The following OTC variants were observed in gnomAD, a reference collection of about 807,000 sequenced individuals.
OTC encodes ornithine transcarbamylase, mitochondrial.
Under a neutral mutation model 30.3 loss-of-function variants are expected in OTC, and 3 were observed. The observed-to-expected ratio is 0.10, with a 90% confidence interval of 0.05 to 0.26. The LOEUF (loss-of-function observed/expected upper bound fraction) is 0.26, where lower values mean the gene tolerates loss of function less well. Among genes scored for constraint, OTC ranks in the 10% least tolerant of loss-of-function variants. The pLI, the probability that OTC is intolerant of heterozygous loss-of-function variation, is 1.00. For missense variants in OTC, 194 were observed against 260.3 expected, an observed-to-expected ratio of 0.75 and a Z score of 1.75; for synonymous variants, 111 against 99.7, an observed-to-expected ratio of 1.11 and a Z score of -0.67.
chrX:38,395,145 G>A (rs1239634066), intron 4 of OTC, among the ~76,000 whole-genome samples: 1 of 110,253 alleles, frequency 9.1e-6, no homozygotes, highest in Non-Finnish European at 1.9e-5. Flanking sequence ...GCTAATTTTT[G>A]TATTTTTAGT....
chrX:38,391,372 T>C (rs2068428213), intron 4 of OTC, among the ~76,000 whole-genome samples: 1 of 111,244 alleles, frequency 9.0e-6, no homozygotes, highest in African/African-American at 3.3e-5. Flanking sequence ...TGTGCACATG[T>C]ACCCTAAAAC....
intron 4 of OTC, among the ~76,000 whole-genome samples, chrX:38,396,679 C>T (rs921126601): frequency 9.1e-6 from 1 of 110,249 alleles, no homozygotes; most frequent in Non-Finnish European, 1.9e-5. Flanking sequence ...AGACTGAGGC[C>T]GGATAATTGC....
chrX:38,344,501 A>G, the OTC span, among the ~76,000 whole-genome samples: 4 of 111,301 alleles, frequency 3.6e-5, no homozygotes, highest in East Asian at 2.8e-4. Context: ...TGGGACATAG[A>G]GGACTCTTAA....
chrX:38,399,231 T>C lies in OTC; in HGVS notation c.387-2044T>C, dbSNP rs1349882195. On this transcript the variant is annotated intron_variant, in intron 4 of 9. Transcript: ENST00000039007. ...AAAATGCAGATTCTGCTTCAGTAAA[T>C]CTGGGTGGGGCCTGAAATTCTGAAG... Among the ~76,000 whole-genome samples, 3 of 111,313 alleles carry C rather than the reference T, an allele frequency of 2.7e-5. No individual in the cohort carries two copies. In the East Asian group the frequency reaches 8.4e-4, roughly 31 times the overall value.
intron 1 of OTC, among the ~76,000 whole-genome samples, chrX:38,355,826 CA>C (rs2068237772): frequency 8.9e-6 from 1 of 111,742 alleles, no homozygotes; most frequent in African/African-American, 3.3e-5. Flanking sequence ...CACCTGAGGT[CA>C]GGAGTTCCAG....
chrX:38,405,000 G>A (rs2068509235), intron 6 of OTC, among the ~76,000 whole-genome samples: 1 of 111,540 alleles, frequency 9.0e-6, no homozygotes, highest in African/African-American at 3.3e-5. Flanking sequence ...CAGAAGAGGT[G>A]GAGTGGTAAA....
intron 4 of OTC, among the ~76,000 whole-genome samples, chrX:38,397,380 G>A (rs773545899): frequency 2.7e-5 from 3 of 111,867 alleles, no homozygotes; most frequent in Non-Finnish European, 5.6e-5. Context: ...TTCCTGGCAA[G>A]AACAAAATGT....
At chrX:38,411,825 T>C (rs1342617664) in intron 8 of OTC, 37 bp from the exon 9 acceptor site, 1 of 1,197,423 alleles carries the variant, frequency 8.4e-7, no homozygotes, top group South Asian at 1.8e-5. Flanking sequence ...CTGCCACATA[T>C]AATAGTCAAA....
intron 1 of OTC, among the ~76,000 whole-genome samples, chrX:38,361,653 C>T (rs764982878): frequency 1.8e-5 from 2 of 112,171 alleles, no homozygotes; most frequent in East Asian, 2.8e-4. Flanking sequence ...GATGCTTGCT[C>T]TATATCATAG....
intron 2 of OTC, among the ~76,000 whole-genome samples, chrX:38,369,474 A>T (rs1225762195): frequency 1.9e-5 from 2 of 107,178 alleles, no homozygotes; most frequent in African/African-American, 6.8e-5. Flanking sequence ...CAGCCTCTCT[A>T]GTAGCTGGGA....
chrX:38,396,325 G>A (rs763808781), intron 4 of OTC, among the ~76,000 whole-genome samples: 94 of 111,184 alleles, frequency 8.5e-4, no homozygotes, highest in African/African-American at 3.0e-3. Context: ...ATCTCTGGCA[G>A]CACATGACTC....
chrX:38,365,791 T>G (rs1431935904), intron 1 of OTC, among the ~76,000 whole-genome samples: 1 of 111,770 alleles, frequency 8.9e-6, no homozygotes, highest in Non-Finnish European at 1.9e-5. Context: ...AGGATGGACC[T>G]GACACTTGTT....
chrX:38,387,466 T>C (rs1212049768), intron 4 of OTC, among the ~76,000 whole-genome samples: 1 of 112,112 alleles, frequency 8.9e-6, no homozygotes, highest in Non-Finnish European at 1.9e-5. Flanking sequence ...CTATTCACTA[T>C]ACAGAATATT....
Position 38,383,923 on chromosome X carries a change from G to A in OTC, c.386+2494G>A, listed in dbSNP as rs770423235. Among the ~76,000 whole-genome samples the A allele has an allele frequency of 5.4e-5, 6 of 111,834 alleles. No individual in the cohort carries two copies. In the South Asian group the frequency reaches 2.2e-3, roughly 42 times the overall value. ...ATTCACTAGGAGGGCTCACAGGACT[G>A]AGCATATAGTCATACTCATAGTTAT... is the stretch of plus-strand genomic sequence containing the variant. On this transcript the variant is annotated intron_variant, in intron 4 of 9. Transcript: ENST00000039007.
At chrX:38,365,848 A>G (rs1206848265) in intron 1 of OTC, among the ~76,000 whole-genome samples, 2 of 112,290 alleles carry the variant, frequency 1.8e-5, no homozygotes, top group Non-Finnish European at 3.8e-5. Context: ...AGGGAATGAG[A>G]TAAAAAAGAC....
At chrX:38,388,584 G>A (rs1279600642) in intron 4 of OTC, among the ~76,000 whole-genome samples, 1 of 111,259 alleles carries the variant, frequency 9.0e-6, no homozygotes, top group African/African-American at 3.3e-5. Flanking sequence ...TATCACTCCA[G>A]TTTCAAGGCT....
chrX:38,388,555 G>A (rs886201700), intron 4 of OTC, among the ~76,000 whole-genome samples: 1 of 110,548 alleles, frequency 9.0e-6, no homozygotes, highest in Non-Finnish European at 1.9e-5. Context: ...ATGGAATTTA[G>A]CAACAGCAAG....
the OTC span, among the ~76,000 whole-genome samples, chrX:38,341,475 C>T: frequency 5.4e-5 from 6 of 111,816 alleles, no homozygotes; most frequent in South Asian, 2.2e-3. Flanking sequence ...TTGGGGGAAC[C>T]TACTTTAGAA....
chrX:38,337,096 T>C, the OTC span, among the ~76,000 whole-genome samples: 17 of 111,579 alleles, frequency 1.5e-4, no homozygotes, highest in African/African-American at 3.3e-4. Flanking sequence ...CCAAATCTAG[T>C]TGTAAGTTCA....
Sources: allele counts gnomAD v4.1 joint callset (sites outside exome capture counted in the v4.1 genomes callset), GRCh38; gene constraint gnomAD v4.1.1; transcripts MANE v1.5; gene names NCBI Gene and HGNC (gene_info 2026-07-23, HGNC 2026-07-21).